Variants in MS4A15 observed in about 807,000 individuals in gnomAD.
MS4A15 encodes the protein membrane-spanning 4-domains subfamily A member 15.
In MS4A15, 22 loss-of-function variants were observed where a neutral mutation model predicts 20.6. That is an observed-to-expected ratio of 1.07 (90% CI 0.76 to 1.52). MS4A15 has a LOEUF of 1.52. Ranked by LOEUF, MS4A15 falls within the 40% of genes most tolerant of loss-of-function variation. The probability of loss-of-function intolerance (pLI) is 0.00; values close to 1 mark genes in which losing one functional copy is unlikely to be tolerated. For missense variants in MS4A15, 312 were observed against 323.0 expected (o/e 0.97, Z 0.26); for synonymous variants, 129 against 129.3 (o/e 1.00, Z 0.02).
chr11:60,771,412 C>T (rs1854038833), intron 4 of MS4A15, 65 bp downstream of exon 4: 2 of 1,600,976 alleles, frequency 1.2e-6, no homozygotes, highest in African/African-American at 1.3e-5. Flanking sequence ...CTCTACCCTG[C>T]CCCTCCCATC....
chr11:60,768,368 C>T (rs1018019080), intron 3 of MS4A15, among the ~76,000 whole-genome samples: 1 of 152,212 alleles, frequency 6.6e-6, no homozygotes, highest in African/African-American at 2.4e-5. Context: ...AGCTCTGAAG[C>T]CCCTGAGCCC....
rs537849537 is a variant in MS4A15, at chr11:60,769,777, C to T, written c.349-1514C>T. On this transcript the variant is annotated intron_variant, in intron 3 of 6. Coordinates refer to ENST00000405633, the MANE Select transcript of MS4A15 (RefSeq NM_001098835.2). ...CTTCTTTCCCTGCTGCGCATCCACC[C>T]CAGCAGCAGGTCGCGCCGGATCACC... Among the ~76,000 whole-genome samples, 8 of 152,286 alleles carry T rather than the reference C, an allele frequency of 5.3e-5. No homozygotes were observed. In the South Asian group the frequency reaches 1.0e-3, roughly 20 times the overall value.
intron 1 of MS4A15, among the ~76,000 whole-genome samples, chr11:60,760,438 C>A (rs1468338547): frequency 1.3e-5 from 2 of 151,342 alleles, no homozygotes; most frequent in African/African-American, 4.8e-5. Context: ...ACTGATGTTA[C>A]TCAGTATCCA....
chr11:60,767,926 C>T lies in MS4A15; in HGVS notation c.348+271C>T, dbSNP rs929581197. On this transcript the variant is annotated intron_variant, in intron 3 of 6. Coordinates refer to ENST00000405633, the MANE Select transcript of MS4A15 (RefSeq NM_001098835.2). Reference sequence around the variant, plus strand: ...GGACGGGAAAGGCGGGGCACGGTGGCTCATGCCTGTAATCCCAACACTTTG... The same window carrying T: ...GGACGGGAAAGGCGGGGCACGGTGGTTCATGCCTGTAATCCCAACACTTTG... Among the ~76,000 whole-genome samples, 6 of 152,162 alleles carry T rather than the reference C, an allele frequency of 3.9e-5. No individual in the cohort carries two copies. The East Asian group carries it at 9.7e-4, about 25-fold the overall frequency.
intron 2 of MS4A15, among the ~76,000 whole-genome samples, chr11:60,765,745 C>T (rs1225245843): frequency 1.3e-5 from 2 of 152,028 alleles, no homozygotes; most frequent in Non-Finnish European, 2.9e-5. Flanking sequence ...TGCACCACAT[C>T]CATTGGTGCA....
chr11:60,768,289 G>A (rs757579131), intron 3 of MS4A15, among the ~76,000 whole-genome samples: 6 of 152,118 alleles, frequency 3.9e-5, no homozygotes, highest in East Asian at 1.9e-4. Context: ...AACCCCTCCC[G>A]CAGAAACCCT....
chr11:60,767,045 TAGAAAG>T (rs1187381319), intron 2 of MS4A15, among the ~76,000 whole-genome samples: 1 of 152,114 alleles, frequency 6.6e-6, no homozygotes, highest in Admixed American at 6.5e-5. Context: ...AACCAACTCT[TAGAAAG>T]AGAAAAAATC....
chr11:60,766,192 C>A (rs1853881593), intron 2 of MS4A15, among the ~76,000 whole-genome samples: 1 of 151,338 alleles, frequency 6.6e-6, no homozygotes, highest in Non-Finnish European at 1.5e-5. Flanking sequence ...ACCAGCCTGG[C>A]CAACATGGCG....
Position 60,763,740 on chromosome 11 carries a change from G to C in MS4A15, c.7G>C (p.Ala3Pro), listed in dbSNP as rs759075164. 1.6e-5 allele frequency: 25 copies of C among 1,611,972 alleles called. No individual in the cohort carries two copies. The Admixed American group carries it at 4.0e-4, about 26-fold the overall frequency. MS[A>P]APASNGVFVV... ...CCCAGGCTCTCTGAGCACGATGTCT[G>C]CAGCTCCCGCCAGCAATGGAGTGTT... Residue 3 changes from alanine (A) to proline (P), a missense_variant, in exon 2 of 7, where the codon GCA (alanine) becomes CCA (proline). Ala to Pro is a conservative substitution (Grantham distance 27). Transcript: ENST00000405633.
intron 2 of MS4A15, among the ~76,000 whole-genome samples, chr11:60,764,875 C>T (rs530086413): frequency 1.3e-5 from 2 of 152,078 alleles, no homozygotes; most frequent in East Asian, 3.9e-4. Context: ...TGCCACTGCA[C>T]TCCAGCCTGG....
Position 60,773,364 on chromosome 11 carries a change from T to C in MS4A15, c.406-28T>C, listed in dbSNP as rs557792793. On this transcript the variant is annotated intron_variant, in intron 4 of 6. Coordinates refer to ENST00000405633, the MANE Select transcript of MS4A15 (RefSeq NM_001098835.2). ...TTTCTCCTTCTCTTTGCCTATTCCC[T>C]CTGCTCCTGTCTCTCTGCTCTCTGC... 5.4e-5 allele frequency: 85 copies of C among 1,586,426 alleles called. No individual in the cohort carries two copies. In the Admixed American group the frequency reaches 1.3e-3, roughly 24 times the overall value.
At chr11:60,766,410 T>G (rs1294003549) in intron 2 of MS4A15, among the ~76,000 whole-genome samples, 3 of 152,176 alleles carry the variant, frequency 2.0e-5, no homozygotes, top group Non-Finnish European at 1.5e-5. Flanking sequence ...AGTAATAACC[T>G]ACCTCTTCTC....
Position 60,774,594 on chromosome 11 carries a change from G to A in MS4A15, c.612+644G>A, listed in dbSNP as rs76045341. ...GGGGCAGTGCTGCACCCAGAGGAGT[G>A]AGACTTTTTGGAGTTCCCAGGCCAC... On this transcript the variant is annotated intron_variant, in intron 6 of 6. Coordinates refer to ENST00000405633, the MANE Select transcript of MS4A15 (RefSeq NM_001098835.2). 4.7e-3 allele frequency among the ~76,000 whole-genome samples: 720 copies of A among 152,314 alleles called. 6 individuals are homozygous for A. Among genetic ancestry groups the A allele is most frequent in the African/African-American group, 0.016 (678 of 41,580 alleles).
chr11:60,771,922 A>ATCATGAACACGGCAGCGAAGG (rs1854054960), intron 4 of MS4A15, among the ~76,000 whole-genome samples: 1 of 152,176 alleles, frequency 6.6e-6, no homozygotes, highest in Non-Finnish European at 1.5e-5. Flanking sequence ...GGCAATGAAG[A>ATCATGAACACGGCAGCGAAGG]TCATGAACAC....
Position 60,759,862 on chromosome 11 carries a change from CCCA to C in MS4A15, c.-29+2808_-29+2810del, listed in dbSNP as rs1853690216. 2.6e-5 allele frequency among the ~76,000 whole-genome samples: 4 copies of C among 152,230 alleles called. No homozygotes were observed. The South Asian group carries it at 8.3e-4, about 32-fold the overall frequency. ...CACATGTTTTCCTGCTGACCTTCTC[CCCA>C]CCATCACCCTGTTCACCCTGTTCTT... On this transcript the variant is annotated intron_variant, in intron 1 of 6. Coordinates refer to ENST00000405633, the MANE Select transcript of MS4A15 (RefSeq NM_001098835.2).
intron 3 of MS4A15, among the ~76,000 whole-genome samples, chr11:60,770,855 G>A (rs1854016229): frequency 2.6e-5 from 4 of 151,808 alleles, no homozygotes; most frequent in African/African-American, 2.4e-5. Flanking sequence ...ACAGGTGCAC[G>A]CCACTCTGCC....
intron 3 of MS4A15, among the ~76,000 whole-genome samples, chr11:60,769,050 A>T (rs1408284335): frequency 6.6e-6 from 1 of 152,212 alleles, no homozygotes; most frequent in Non-Finnish European, 1.5e-5. Context: ...TGCAATCGGG[A>T]GAACCCATGG....
chr11:60,767,113 G>T (rs534757931), intron 2 of MS4A15, among the ~76,000 whole-genome samples: 6 of 152,274 alleles, frequency 3.9e-5, no homozygotes, highest in African/African-American at 1.4e-4. Flanking sequence ...GGGCTGGGAC[G>T]ATCAGTGATG....
chr11:60,764,399 T>C (rs1853829981), intron 2 of MS4A15, among the ~76,000 whole-genome samples: 1 of 151,964 alleles, frequency 6.6e-6, no homozygotes, highest in African/African-American at 2.4e-5. Context: ...TCGCCATAGC[T>C]GGAATGTAAT....
Sources: allele counts gnomAD v4.1 joint callset (sites outside exome capture counted in the v4.1 genomes callset), GRCh38; gene constraint gnomAD v4.1.1; transcripts MANE v1.5; gene names NCBI Gene and HGNC (gene_info 2026-07-23, HGNC 2026-07-21).